Variants in ANKRD11 observed in about 807,000 individuals in gnomAD.
The protein encoded by ANKRD11 is ankyrin repeat domain 11, also known as ankyrin repeat domain-containing protein 11.
A neutral mutation model predicts 195.7 loss-of-function variants in ANKRD11; 17 were observed. That is an observed-to-expected ratio of 0.09 (90% CI 0.06 to 0.13). ANKRD11 has a LOEUF of 0.13. ANKRD11 is among the 10% of genes least tolerant of loss of function. The pLI is 1.00. For synonymous variants in ANKRD11, 1,953 were observed against 1,528.1 expected (o/e 1.28, Z -6.49); for missense variants, 3,735 against 3,566.1 (o/e 1.05, Z -1.21).
intron 1 of ANKRD11, among the ~76,000 whole-genome samples, chr16:89,441,571 T>A (rs953551469): frequency 6.6e-6 from 1 of 151,736 alleles, no homozygotes; most frequent in Non-Finnish European, 1.5e-5. Flanking sequence ...ATGGAGACCA[T>A]CCTGGCTAAC....
At chr16:89,455,834 G>A (rs2056410412) in intron 1 of ANKRD11, among the ~76,000 whole-genome samples, 1 of 152,158 alleles carries the variant, frequency 6.6e-6, no homozygotes, top group South Asian at 2.1e-4. Context: ...TCCTCAAAAG[G>A]TAAACACAGA....
chr16:89,393,691 G>C (rs1262043725), intron 2 of ANKRD11, among the ~76,000 whole-genome samples: 1 of 151,920 alleles, frequency 6.6e-6, no homozygotes, highest in Non-Finnish European at 1.5e-5. Flanking sequence ...GGATTTGTAA[G>C]GGTTAGAAGG....
chr16:89,461,938 A>G (rs1242446320), intron 1 of ANKRD11, among the ~76,000 whole-genome samples: 1 of 151,968 alleles, frequency 6.6e-6, no homozygotes, highest in Non-Finnish European at 1.5e-5. Flanking sequence ...CAGAGCATCT[A>G]TTGAAAAAGC....
intron 2 of ANKRD11, among the ~76,000 whole-genome samples, chr16:89,340,558 A>G (rs1370590507): frequency 6.6e-6 from 1 of 152,230 alleles, no homozygotes; most frequent in Non-Finnish European, 1.5e-5. Context: ...TACAGGCATG[A>G]GCCACAGCGC....
chr16:89,485,880 G>A (rs185349252), intron 1 of ANKRD11, among the ~76,000 whole-genome samples: 1 of 152,256 alleles, frequency 6.6e-6, no homozygotes, highest in East Asian at 1.9e-4. Context: ...ATCCTCATAA[G>A]CAGCAGCAGC....
At position 89,305,343 on chromosome 16, in the gene ANKRD11, T is replaced by A; in HGVS notation, c.89A>T (p.Asp30Val). The A allele has an allele frequency of 6.2e-7, 1 of 1,613,942 alleles. No individual in the cohort carries two copies. The highest frequency in any genetic ancestry group is 8.5e-7 in the Non-Finnish European group (1 of 1,179,912). Residue 30 changes from aspartate to valine, a missense_variant and splice_region_variant, in exon 4 of 13, where the codon GAT becomes GTT. By Grantham distance (152) the Asp-to-Val change is radical (BLOSUM62 -3). Coordinates refer to ENST00000301030, the MANE Select transcript of ANKRD11 (RefSeq NM_013275.6). Reference protein sequence around the residue: ...DMVEKQTGKKDKDKVSLTKTP... With the variant: ...DMVEKQTGKKVKDKVSLTKTP... ...CTTGGTTAGAGAAACTTTATCTTTA[T>A]CCTAGAAAAGAAAGGGATGCTTTCA...
intron 2 of ANKRD11, among the ~76,000 whole-genome samples, chr16:89,383,191 G>T (rs915755615): frequency 1.3e-5 from 2 of 152,228 alleles, no homozygotes; most frequent in Non-Finnish European, 2.9e-5. Flanking sequence ...GCGGTGCGAG[G>T]TCACCTCAGG....
intron 2 of ANKRD11, among the ~76,000 whole-genome samples, chr16:89,396,327 TCCAGATGTGGACA>T (rs1205506645): frequency 1.3e-5 from 2 of 151,920 alleles, no homozygotes; most frequent in South Asian, 4.2e-4. Flanking sequence ...CTGGGTCACC[TCCAGATGTGGACA>T]CACAGGCACA....
chr16:89,363,062 G>A (rs1348765930), intron 2 of ANKRD11, among the ~76,000 whole-genome samples: 1 of 152,008 alleles, frequency 6.6e-6, no homozygotes, highest in African/African-American at 2.4e-5. Flanking sequence ...TCTGCAGAAG[G>A]TATAAAAAAT....
intron 2 of ANKRD11, among the ~76,000 whole-genome samples, chr16:89,390,338 ACTGGGGCG>A (rs1325513612): frequency 2.3e-4 from 35 of 151,604 alleles, no homozygotes; most frequent in Non-Finnish European, 7.4e-5. Context: ...AGAGAAGATC[ACTGGGGCG>A]AACACCGAGT....
chr16:89,418,334 A>G lies in ANKRD11; in HGVS notation c.-110T>C, dbSNP rs1018259176. Reference sequence around the variant, plus strand: ...TGACGAGGACTGTCTTTTAAATCCAATGGAGGTGTGTCCCAGAGCAGGGCT... The same window carrying G: ...TGACGAGGACTGTCTTTTAAATCCAGTGGAGGTGTGTCCCAGAGCAGGGCT... On this transcript the variant is annotated 5_prime_UTR_variant, in exon 2 of 13. Coordinates refer to ENST00000301030, the MANE Select transcript of ANKRD11 (RefSeq NM_013275.6). The G allele has an allele frequency of 8.8e-6, 4 of 453,854 alleles. No individual in the cohort carries two copies. The highest frequency in any genetic ancestry group is 1.8e-5 in the Non-Finnish European group (4 of 226,660). The allele number at this position is 453,854 out of a possible 1,614,324, so 28.1% of individuals were successfully genotyped here. A position where few individuals can be genotyped will look rare whatever the true frequency, so the allele number is the denominator to read the frequency against.
At chr16:89,481,050 C>T (rs2057428459) in intron 1 of ANKRD11, among the ~76,000 whole-genome samples, 1 of 152,204 alleles carries the variant, frequency 6.6e-6, no homozygotes, top group Non-Finnish European at 1.5e-5. Flanking sequence ...CACCCCGTTC[C>T]CCATTCCTGC....
intron 2 of ANKRD11, among the ~76,000 whole-genome samples, chr16:89,359,822 T>A (rs976454894): frequency 1.3e-5 from 2 of 152,206 alleles, no homozygotes; most frequent in African/African-American, 4.8e-5. Context: ...TTTTATTCAA[T>A]TCTTGTGTAA....
intron 1 of ANKRD11, among the ~76,000 whole-genome samples, chr16:89,445,725 A>G (rs2043755664): frequency 6.6e-6 from 1 of 152,326 alleles, no homozygotes; most frequent in East Asian, 1.9e-4. Flanking sequence ...CTATAGTCCC[A>G]GCACTTTGGG....
intron 2 of ANKRD11, among the ~76,000 whole-genome samples, chr16:89,350,925 G>A (rs2039184550): frequency 6.6e-6 from 1 of 152,190 alleles, no homozygotes; most frequent in Admixed American, 6.5e-5. Flanking sequence ...TCAGCAGGGT[G>A]ACTCAGCAAC....
intron 1 of ANKRD11, among the ~76,000 whole-genome samples, chr16:89,480,694 T>G (rs2057417109): frequency 6.6e-6 from 1 of 152,056 alleles, no homozygotes; most frequent in Non-Finnish European, 1.5e-5. Context: ...CCCCTTCTGT[T>G]TGGACCCAAA....
chr16:89,381,086 G>A (rs917480646), intron 2 of ANKRD11, among the ~76,000 whole-genome samples: 1 of 152,114 alleles, frequency 6.6e-6, no homozygotes, highest in Non-Finnish European at 1.5e-5. Flanking sequence ...ACTTTGGGAG[G>A]CCGAGGCAGG....
chr16:89,367,260 A>G (rs543959304), intron 2 of ANKRD11, among the ~76,000 whole-genome samples: 1 of 152,306 alleles, frequency 6.6e-6, no homozygotes, highest in African/African-American at 2.4e-5. Context: ...AGGGGTGGGT[A>G]GAGCGCCGCT....
At chr16:89,350,311 G>A (rs753288787) in intron 2 of ANKRD11, among the ~76,000 whole-genome samples, 15 of 152,150 alleles carry the variant, frequency 9.9e-5, no homozygotes, top group Admixed American at 2.0e-4. Flanking sequence ...ACATGTGACC[G>A]AGAAACCCAG....
Sources: gnomAD v4.1 joint callset for allele counts (sites outside exome capture counted in the v4.1 genomes callset) on GRCh38, gnomAD v4.1.1 for gene constraint, MANE v1.5 for transcripts, NCBI Gene and HGNC (gene_info 2026-07-23, HGNC 2026-07-21) for gene names.